Variants in CTSC observed in about 807,000 individuals in gnomAD.
CTSC encodes the protein dipeptidyl peptidase 1.
A neutral mutation model predicts 40.9 loss-of-function variants in CTSC; 37 were observed. The observed-to-expected ratio is 0.91, with a 90% CI of 0.70 to 1.19. The LOEUF is 1.19. Ranked by LOEUF, CTSC falls within the 50% of genes most tolerant of loss-of-function variation. The pLI is 0.00. For synonymous variants in CTSC, 232 were observed against 207.4 expected, an observed-to-expected ratio of 1.12 and a Z score of -1.02; for missense variants, 594 against 567.3, an observed-to-expected ratio of 1.05 and a Z score of -0.48.
chr11:88,335,345 T>G (rs1345732416), intron 1 of CTSC, among the ~76,000 whole-genome samples: 1 of 152,044 alleles, frequency 6.6e-6, no homozygotes, highest in Non-Finnish European at 1.5e-5. Flanking sequence ...CCTAGCACTT[T>G]GCGGGGCTGA....
At chr11:88,324,277 G>A (rs970314089) in intron 2 of CTSC, 40 of 684,194 alleles carry the variant, frequency 5.8e-5, no homozygotes, top group Non-Finnish European at 6.5e-5. Flanking sequence ...AGACTTAAAT[G>A]TAAAACCCAA....
rs3891238 is a variant in CTSC at position 88,294,021 on chromosome 11, T to C, written c.1377A>G (p.Pro459=). ...AAGGCATACCCTACAATTTAGGAAT[T>C]GGTGTGGCTGCCACTGCTATGCTCT... ...AIESIAVAAT[P]IPKL Residue 459 remains proline, a synonymous_variant, in exon 7 of 7, where the codon CCA becomes CCG. Transcript: ENST00000227266. 1.2e-6 allele frequency: 2 copies of C among 1,614,006 alleles called. No individual in the cohort carries two copies. The highest frequency in any genetic ancestry group is 2.2e-5 in the South Asian group (2 of 91,076).
At position 88,306,719 on chromosome 11, in the gene CTSC, C is replaced by CG. The variant is rs375116337; in HGVS notation, c.641+2443dup. 9.1e-4 allele frequency among the ~76,000 whole-genome samples: 138 copies of CG among 152,356 alleles called. 1 individual carries two copies. The highest frequency in any genetic ancestry group is 2.5e-3 in the African/African-American group (105 of 41,588). ...ACCTTGTGCTCATCCTTCCAGCCCACGTGTGATCCAATTCTTCTGGTACAC... is the reference window on the plus strand; with the variant it reads ...ACCTTGTGCTCATCCTTCCAGCCCACGGTGTGATCCAATTCTTCTGGTACAC... On this transcript the variant is annotated intron_variant, in intron 4 of 6. Coordinates refer to ENST00000227266, the MANE Select transcript of CTSC (RefSeq NM_001814.6).
intron 6 of CTSC, among the ~76,000 whole-genome samples, chr11:88,295,093 CTCTA>C (rs1413118571): frequency 6.6e-6 from 1 of 152,102 alleles, no homozygotes; most frequent in Admixed American, 6.6e-5. Flanking sequence ...ATTATTTAAT[CTCTA>C]TCTCTTACTT....
chr11:88,337,455 A>G (rs1394621738), intron 1 of CTSC, 46 bp downstream of exon 1: 3 of 1,544,572 alleles, frequency 1.9e-6, no homozygotes, highest in East Asian at 2.4e-5. Context: ...TTAGGGGCTC[A>G]AGGGCAGAAA....
Position 88,308,334 on chromosome 11 carries a change from G to A in CTSC, c.641+829C>T, listed in dbSNP as rs920978234. On this transcript the variant is annotated intron_variant, in intron 4 of 6. Coordinates refer to ENST00000227266, the MANE Select transcript of CTSC (RefSeq NM_001814.6). ...GAGTCCAGCTAAGGCGCAGACTTGA[G>A]AGATTGTCAGCCGTTATTCCAGAGG... 2.0e-5 allele frequency among the ~76,000 whole-genome samples: 3 copies of A among 152,154 alleles called. 1 individual carries two copies. Among genetic ancestry groups the A allele is most frequent in the Admixed American group, 2.0e-4 (3 of 15,278 alleles).
At chr11:88,302,844 T>C (rs1244019702) in intron 4 of CTSC, among the ~76,000 whole-genome samples, 1 of 152,138 alleles carries the variant, frequency 6.6e-6, no homozygotes, top group Non-Finnish European at 1.5e-5. Context: ...GAGATGGTCA[T>C]TAACAATATG....
intron 2 of CTSC, among the ~76,000 whole-genome samples, chr11:88,328,933 A>T (rs1203911568): frequency 1.3e-5 from 2 of 151,914 alleles, no homozygotes; most frequent in Middle Eastern, 3.2e-3. Flanking sequence ...ACTGATGGTC[A>T]TTTTTTTTAG....
At chr11:88,328,069 T>C in intron 2 of CTSC, 1 of 1,308,546 alleles carries the variant, frequency 7.6e-7, no homozygotes, top group Non-Finnish European at 1.1e-6. Flanking sequence ...GTGAGGAAGC[T>C]TGCTTTTAAT....
At chr11:88,309,593 G>A (rs1405643210) in intron 3 of CTSC, among the ~76,000 whole-genome samples, 1 of 151,756 alleles carries the variant, frequency 6.6e-6, no homozygotes, top group African/African-American at 2.4e-5. Context: ...CTAAGATAAG[G>A]GACTGATTAA....
intron 2 of CTSC, chr11:88,325,699 G>GA: frequency 1.0e-6 from 1 of 984,986 alleles, no homozygotes; most frequent in African/African-American, 1.7e-5. Flanking sequence ...AATGAAAAAA[G>GA]AAAAGAAAAA....
At chr11:88,295,954 G>A (rs926578723) in intron 6 of CTSC, among the ~76,000 whole-genome samples, 179 bp downstream of exon 6, 4 of 152,150 alleles carry the variant, frequency 2.6e-5, no homozygotes, top group Non-Finnish European at 5.9e-5. Context: ...TTGCTGGATG[G>A]TACAGTAAAT....
At chr11:88,315,244 C>G (rs1376778675) in intron 2 of CTSC, among the ~76,000 whole-genome samples, 7 of 152,076 alleles carry the variant, frequency 4.6e-5, no homozygotes, top group African/African-American at 1.4e-4. Flanking sequence ...AGGAAGCAGT[C>G]TGACAATGTT....
At chr11:88,320,426 A>T (rs1368186850) in intron 2 of CTSC, among the ~76,000 whole-genome samples, 1 of 152,188 alleles carries the variant, frequency 6.6e-6, no homozygotes, top group Non-Finnish European at 1.5e-5. Context: ...AAAAAATCTT[A>T]AGAGTTCATC....
In CTSC at chr11:88,326,713, T is replaced by A. The variant is rs409851; in HGVS notation, c.318+8224A>T. 0.77 allele frequency among the ~76,000 whole-genome samples: 117,219 copies of A among 151,450 alleles called. 45,610 individuals carry two copies. Among genetic ancestry groups the A allele is most frequent in the East Asian group, 1 (5,158 of 5,166 alleles). On this transcript the variant is annotated intron_variant, in intron 2 of 6. Coordinates refer to ENST00000227266, the MANE Select transcript of CTSC (RefSeq NM_001814.6). ...ACTGCCACTGAAAAAAACGAATATG[T>A]TTCTGAAACATACTTAAGAAACAGG...
intron 2 of CTSC, among the ~76,000 whole-genome samples, chr11:88,315,077 T>A (rs530203189): frequency 1.3e-5 from 2 of 152,328 alleles, no homozygotes; most frequent in African/African-American, 2.4e-5. Flanking sequence ...CAGTGTAACA[T>A]GGTAACTTTA....
intron 2 of CTSC, chr11:88,334,664 T>C: frequency 2.6e-6 from 1 of 378,074 alleles, no homozygotes; most frequent in Non-Finnish European, 4.8e-6. Flanking sequence ...ATAAGGAAAA[T>C]AAATTAAGAA....
In CTSC at chr11:88,337,625, G is replaced by C. The variant is rs777014407; in HGVS notation, c.48C>G (p.Leu16=). 5 of 1,584,286 alleles carry C rather than the reference G, an allele frequency of 3.2e-6. No homozygotes were observed. Among genetic ancestry groups the C allele is most frequent in the South Asian group, 2.3e-5 (2 of 86,946 alleles). ...CGCAGCGCACGGCGCCGTCGCCGGA[G>C]AGAAGCAGCAGGAGGGCGGCGAGCA... is the stretch of plus-strand genomic sequence containing the variant. ...SLLLAALLLL[L]SGDGAVRCDT... is the part of the protein sequence containing the mutation. The change falls in exon 1 of 7, where the codon CTC becomes CTG. Residue 16 remains leucine, a synonymous_variant. Coordinates refer to ENST00000227266, the MANE Select transcript of CTSC (RefSeq NM_001814.6).
At chr11:88,296,462 T>C (rs1019187038) in intron 5 of CTSC, 198 bp from the exon 6 acceptor site, 1 of 586,928 alleles carries the variant, frequency 1.7e-6, no homozygotes, top group East Asian at 3.5e-5. Flanking sequence ...TCCTTTTTCA[T>C]CAAAAGGCAA....
Sources: allele counts gnomAD v4.1 joint callset (sites outside exome capture counted in the v4.1 genomes callset), GRCh38; gene constraint gnomAD v4.1.1; transcripts MANE v1.5; gene names NCBI Gene and HGNC (gene_info 2026-07-23, HGNC 2026-07-21).